Variants in MIAT observed in about 807,000 individuals in gnomAD.
The protein encoded by MIAT is MI related novel mRNA.
At chr22:26,672,073 CG>C (rs1931066309), downstream of MIAT, 1 of 399,448 alleles carries the variant, frequency 2.5e-6, no homozygotes, top group Non-Finnish European at 4.4e-6. Flanking sequence ...AACTGCACCC[CG>C]ATCATCCCTT....
exon 5 of MIAT, chr22:26,675,587 G>C (rs1307863030): frequency 2.5e-6 from 1 of 398,522 alleles, no homozygotes; most frequent in East Asian, 3.6e-5. Context: ...GTCTACCCCA[G>C]TTGGAAGTAT....
At chr22:26,659,567 G>A (rs1930582604) in intron 2 of MIAT, among the ~76,000 whole-genome samples, 1 of 151,968 alleles carries the variant, frequency 6.6e-6, no homozygotes, top group African/African-American at 2.4e-5. Context: ...GCTGGGCACG[G>A]TGGCTAACAC....
chr22:26,664,989 C>A (rs1410757556), intron 3 of MIAT, among the ~76,000 whole-genome samples: 1 of 152,126 alleles, frequency 6.6e-6, no homozygotes, highest in Non-Finnish European at 1.5e-5. Flanking sequence ...GTAATCCCAG[C>A]ACTTTGGAAG....
exon 6 of MIAT, chr22:26,668,204 T>G (rs1930919786): frequency 5.0e-6 from 2 of 398,622 alleles, no homozygotes; most frequent in Non-Finnish European, 8.8e-6. Context: ...CCTGGACTTC[T>G]CTTTGGACCT....
At chr22:26,670,657 C>G, downstream of MIAT, 1 of 367,386 alleles carries the variant, frequency 2.7e-6, no homozygotes, top group Non-Finnish European at 4.8e-6. Context: ...CGCTGCACTA[C>G]TGAAGTAGTG....
downstream of MIAT, chr22:26,671,105 T>A (rs938985263): frequency 2.5e-6 from 1 of 398,140 alleles, no homozygotes; most frequent in Non-Finnish European, 4.4e-6. Context: ...TCTGTCAGAG[T>A]GTAACAGGAT....
At chr22:26,649,414 C>T (rs1413052848) in intron 2 of MIAT, among the ~76,000 whole-genome samples, 2 of 152,230 alleles carry the variant, frequency 1.3e-5, no homozygotes, top group Admixed American at 6.5e-5. Context: ...CCCACTATTC[C>T]TGCAGACTGA....
At chr22:26,662,248 G>T (rs952304990) in intron 2 of MIAT, among the ~76,000 whole-genome samples, 1 of 151,982 alleles carries the variant, frequency 6.6e-6, no homozygotes, top group Non-Finnish European at 1.5e-5. Flanking sequence ...GAGCCACTGC[G>T]CCCAGTCCCT....
intron 2 of MIAT, among the ~76,000 whole-genome samples, chr22:26,651,905 A>G (rs1930342782): frequency 6.6e-6 from 1 of 152,244 alleles, no homozygotes; most frequent in Admixed American, 6.5e-5. Flanking sequence ...ACCTGGTGGC[A>G]GCATTACATC....
exon 5 of MIAT, chr22:26,675,527 A>G (rs1931229012): frequency 5.0e-6 from 2 of 398,650 alleles, no homozygotes; most frequent in Middle Eastern, 6.3e-4. Flanking sequence ...GAACTTTTTG[A>G]AACTAGGAAG....
At chr22:26,670,649 C>A (rs1234100738), downstream of MIAT, 1 of 388,780 alleles carries the variant, frequency 2.6e-6, no homozygotes, top group Non-Finnish European at 4.5e-6. Context: ...TCAAATTCCG[C>A]TGCACTACTG....
At chr22:26,657,796 A>C in intron 2 of MIAT, 1 of 397,818 alleles carries the variant, frequency 2.5e-6, no homozygotes, top group Non-Finnish European at 4.4e-6. Context: ...CGCCGCCTGA[A>C]GTGTCCCGCA....
chr22:26,663,594 T>C (rs920212727), intron 3 of MIAT: 1 of 386,898 alleles, frequency 2.6e-6, no homozygotes, highest in African/African-American at 2.1e-5. Flanking sequence ...GTGGGTGGTC[T>C]GTGTGGCCTA....
At chr22:26,665,447 A>G (rs2091933457) in intron 3 of MIAT, 2 of 398,472 alleles carry the variant, frequency 5.0e-6, no homozygotes. Flanking sequence ...TATTAATATC[A>G]TGACTCTAGG....
chr22:26,653,779 G>T lies in MIAT; in HGVS notation n.646+6468G>T, dbSNP rs531994998. Among the ~76,000 whole-genome samples the T allele has an allele frequency of 3.3e-5, 5 of 152,212 alleles. No homozygotes were observed. In the East Asian group the frequency reaches 9.7e-4, roughly 29 times the overall value. ...CCCTTCTCTTCCCCTTTGCTCTGTT[G>T]CCCAGGTTGGAGTGTAGTGGTGCGA... On this transcript the variant is annotated intron_variant and non_coding_transcript_variant, in intron 2 of 5. Coordinates refer to ENST00000643270, the Ensembl canonical transcript of MIAT.
exon 6 of MIAT, chr22:26,668,883 C>T (rs1003579937): frequency 1.0e-5 from 4 of 398,544 alleles, no homozygotes; most frequent in African/African-American, 2.1e-5. Context: ...GCTGAGAGTG[C>T]ACCATCCTGA....
At chr22:26,663,137 G>T (rs1930730734) in intron 2 of MIAT, among the ~76,000 whole-genome samples, 1 of 152,170 alleles carries the variant, frequency 6.6e-6, no homozygotes, top group Non-Finnish European at 1.5e-5. Flanking sequence ...GGATGTATTG[G>T]TTGACACTGG....
chr22:26,653,948 C>T (rs761204533), intron 2 of MIAT, among the ~76,000 whole-genome samples: 5 of 152,158 alleles, frequency 3.3e-5, no homozygotes, highest in Non-Finnish European at 5.9e-5. Flanking sequence ...CCATGCTTGG[C>T]CAGACTGGTC....
intron 2 of MIAT, among the ~76,000 whole-genome samples, chr22:26,652,611 C>T (rs1242159265): frequency 6.6e-6 from 1 of 152,148 alleles, no homozygotes; most frequent in African/African-American, 2.4e-5. Context: ...CCCCCTCGGC[C>T]TCCCAAAGTG....
Sources: allele counts gnomAD v4.1 joint callset (sites outside exome capture counted in the v4.1 genomes callset), GRCh38; gene constraint gnomAD v4.1.1; transcripts MANE v1.5; gene names NCBI Gene and HGNC (gene_info 2026-07-23, HGNC 2026-07-21).